The following MIOS variants were observed in gnomAD, a reference collection of about 807,000 sequenced individuals.
The protein encoded by MIOS is meiosis regulator for oocyte development, also known as GATOR2 complex protein MIOS.
In MIOS, 52 loss-of-function variants were observed where a neutral mutation model predicts 96.9. The observed-to-expected ratio is 0.54, with a 90% CI of 0.43 to 0.68. MIOS has a LOEUF of 0.68. Among genes scored for constraint, MIOS ranks in the 30% least tolerant of loss-of-function variants. The probability of loss-of-function intolerance (pLI) is 0.00; values close to 1 mark genes in which losing one functional copy is unlikely to be tolerated. For missense variants in MIOS, 1,005 were observed against 1,052.8 expected (o/e 0.95, Z 0.63); for synonymous variants, 397 against 359.5 (o/e 1.10, Z -1.18).
chr7:7,567,919 C>G (rs926855973), intron 2 of MIOS, 107 bp from the exon 3 acceptor site: 2 of 152,166 alleles, frequency 1.3e-5, no homozygotes, highest in Non-Finnish European at 2.9e-5. Context: ...GATATGTTGG[C>G]TAAATAAAAT....
At chr7:7,586,729 C>A (rs1336794433) in intron 7 of MIOS, among the ~76,000 whole-genome samples, 2 of 152,022 alleles carry the variant, frequency 1.3e-5, no homozygotes, top group African/African-American at 4.8e-5. Context: ...TACTATTGAA[C>A]TTTTTCTGAC....
At position 7,588,785 on chromosome 7, in the gene MIOS, G is replaced by A. The variant is rs7803888; in HGVS notation, c.1884+222G>A. 0.59 allele frequency among the ~76,000 whole-genome samples: 88,924 copies of A among 151,934 alleles called. 28,299 individuals carry two copies. The highest frequency in any genetic ancestry group is 0.72 in the Admixed American group (10,942 of 15,272). On this transcript the variant is annotated intron_variant, in intron 8 of 12. Coordinates refer to ENST00000340080, the MANE Select transcript of MIOS (RefSeq NM_019005.4). ...TATTTTAGTATATTTCTTCTTTGGA[G>A]GGTAAGATTAGTTAGTAGGTAAAGA...
Position 7,573,213 on chromosome 7 carries a change from T to A in MIOS, c.738T>A (p.Gly246=). Reference sequence around the variant, plus strand: ...ATCGTGTTGCTTCCTTCTATGAAGGTCAGGTTGCAATATGGGATCTTAGAA... The same window carrying A: ...ATCGTGTTGCTTCCTTCTATGAAGGACAGGTTGCAATATGGGATCTTAGAA... The part of the protein sequence containing the change: ...FHDRVASFYE[G]QVAIWDLRKF... The change falls in exon 4 of 13, where the codon GGT becomes GGA. Residue 246 remains glycine, a synonymous_variant. Coordinates refer to ENST00000340080, the MANE Select transcript of MIOS (RefSeq NM_019005.4). This position sits in a 1 kb window ranked among gnomAD's most constrained non-coding sequence, Gnocchi z 5.0. The A allele has an allele frequency of 6.2e-7, 1 of 1,614,106 alleles. No homozygotes were observed. The highest frequency in any genetic ancestry group is 8.5e-7 in the Non-Finnish European group (1 of 1,179,976).
chr7:7,585,919 GTTATT>G (rs2115419340), intron 7 of MIOS, 114 bp downstream of exon 7: 1 of 978,606 alleles, frequency 1.0e-6, no homozygotes, highest in Non-Finnish European at 1.4e-6. Flanking sequence ...TTATGCATAT[GTTATT>G]TAAAATAAGG....
intron 11 of MIOS, 176 bp from the exon 12 acceptor site, chr7:7,605,765 AG>A (rs1212674813): frequency 3.4e-5 from 17 of 505,228 alleles, no homozygotes; most frequent in Non-Finnish European, 5.6e-5. Context: ...TTAAAAATGT[AG>A]GGGAGCTTCT....
chr7:7,593,118 T>C (rs922500762), intron 9 of MIOS, among the ~76,000 whole-genome samples: 3 of 152,202 alleles, frequency 2.0e-5, no homozygotes, highest in African/African-American at 7.2e-5. Context: ...CTTCTTGCCA[T>C]ATAAGGGGAA....
In MIOS at chr7:7,583,367, A is replaced by C. The variant is rs755659594; in HGVS notation, c.1643A>C (p.Glu548Ala). ...ATCCTGAATGAAGGGGCATCTTCTG[A>C]AAAAGGTATTAGGTTATAAACTAAG... ...IQILNEGASS[E>A]KGDLNLNVVA... The change falls in exon 6 of 13, where the codon GAA becomes GCA. Residue 548 changes from glutamate (E) to alanine (A), a missense_variant. Glu to Ala is a moderately radical substitution (Grantham distance 107). This residue lies in a region of MIOS where 865 missense variants were observed against 887.9 expected (regional missense o/e 0.97). Transcript: ENST00000340080. 2.5e-6 allele frequency: 4 copies of C among 1,603,550 alleles called. No homozygotes were observed. In the East Asian group the frequency reaches 8.9e-5, roughly 36 times the overall value.
At chr7:7,597,517 T>TAAAAAAATATATATAAAA (rs372634070) in intron 11 of MIOS, among the ~76,000 whole-genome samples, 1 of 70,428 alleles carries the variant, frequency 1.4e-5, no homozygotes, top group Non-Finnish European at 2.7e-5. Context: ...TATATATATA[T>TAAAAAAATATATATAAAA]GAAGGCAATA....
intron 5 of MIOS, among the ~76,000 whole-genome samples, chr7:7,579,099 C>G (rs1544466): frequency 0.64 from 96,993 of 151,636 alleles, 31,819 homozygotes; most frequent in Admixed American, 0.75. Context: ...AGGACAGTCT[C>G]AAATTTAGGA....
At chr7:7,597,049 G>A (rs1021741646) in intron 11 of MIOS, among the ~76,000 whole-genome samples, 4 of 151,984 alleles carry the variant, frequency 2.6e-5, no homozygotes, top group African/African-American at 7.2e-5. Flanking sequence ...TTTTTTGGCC[G>A]GACATGGTGG....
At chr7:7,587,682 A>T (rs562197402) in intron 7 of MIOS, among the ~76,000 whole-genome samples, 1 of 152,252 alleles carries the variant, frequency 6.6e-6, no homozygotes, top group East Asian at 1.9e-4. Flanking sequence ...AGTTATATGA[A>T]ATATGTTCTC....
intron 7 of MIOS, 100 bp downstream of exon 7, chr7:7,585,905 AT>A: frequency 9.4e-7 from 1 of 1,064,822 alleles, no homozygotes; most frequent in Non-Finnish European, 1.3e-6. Context: ...AAAATATTAT[AT>A]TTTTATGCAT....
At chr7:7,592,469 G>C (rs1043354481) in intron 9 of MIOS, among the ~76,000 whole-genome samples, 1 of 152,128 alleles carries the variant, frequency 6.6e-6, no homozygotes, top group African/African-American at 2.4e-5. Context: ...GGTTGGTTTA[G>C]GGATGATTCC....
In MIOS at chr7:7,596,861, T is replaced by C. The variant is rs142417730; in HGVS notation, c.2401+400T>C. ...ATCTTTTGACATCATTAAAGCACTT[T>C]GACATTTCTTCCTTCATCTTCAAAA... On this transcript the variant is annotated intron_variant, in intron 11 of 12. Coordinates refer to ENST00000340080, the MANE Select transcript of MIOS (RefSeq NM_019005.4). Among the ~76,000 whole-genome samples the C allele has an allele frequency of 4.3e-3, 654 of 152,330 alleles. 5 individuals carry two copies. The highest frequency in any genetic ancestry group is 0.015 in the African/African-American group (617 of 41,576).
At chr7:7,577,330 C>T (rs1783568573) in intron 5 of MIOS, among the ~76,000 whole-genome samples, 1 of 152,194 alleles carries the variant, frequency 6.6e-6, no homozygotes, top group Non-Finnish European at 1.5e-5. Flanking sequence ...GAAGGTCTTT[C>T]ACTGGCGGTA....
At chr7:7,582,878 G>T in intron 5 of MIOS, 1 of 437,336 alleles carries the variant, frequency 2.3e-6, no homozygotes, top group Non-Finnish European at 3.8e-6. Flanking sequence ...CAGTAACTCA[G>T]TTTAGTCCAT....
intron 5 of MIOS, 123 bp from the exon 6 acceptor site, chr7:7,582,995 A>G (rs1042080284): frequency 5.3e-5 from 59 of 1,105,648 alleles, no homozygotes; most frequent in Non-Finnish European, 6.5e-5. Context: ...TATTTACACT[A>G]TCATAAAATT....
rs1202470133 is a variant in MIOS at position 7,606,083 on chromosome 7, A to G, written c.2531+12A>G. 1 of 1,612,968 alleles carries G rather than the reference A, an allele frequency of 6.2e-7. No homozygotes were observed. The highest frequency in any genetic ancestry group is 8.5e-7 in the Non-Finnish European group (1 of 1,179,428). ...CTTAGTTGGTTCAGGTAATCAGCAC[A>G]TTTCTTCTTTGATAGGCTTGGAGTT... is the stretch of plus-strand genomic sequence containing the variant. On this transcript the variant is annotated intron_variant, in intron 12 of 12. Transcript: ENST00000340080.
At chr7:7,568,980 T>G (rs1008565942) in intron 3 of MIOS, among the ~76,000 whole-genome samples, 9 of 152,242 alleles carry the variant, frequency 5.9e-5, no homozygotes, top group Non-Finnish European at 1.0e-4. Flanking sequence ...ATTTTATGTT[T>G]TGTAAGATGG....
Sources: gnomAD v4.1 joint callset for allele counts (sites outside exome capture counted in the v4.1 genomes callset) on GRCh38, gnomAD v4.1.1 for gene constraint, gnomAD v4.1.1 regional missense constraint, Gnocchi (gnomAD v3.1) non-coding constraint, MANE v1.5 for transcripts, NCBI Gene and HGNC (gene_info 2026-07-23, HGNC 2026-07-21) for gene names.